The following INO80 variants were observed in gnomAD, a reference collection of about 807,000 sequenced individuals.
INO80 encodes chromatin-remodeling ATPase INO80.
A neutral mutation model predicts 203.4 loss-of-function variants in INO80; 20 were observed. That is an observed-to-expected ratio of 0.10 (90% confidence interval 0.07 to 0.14). The LOEUF (loss-of-function observed/expected upper bound fraction) is 0.14, where lower values mean the gene tolerates loss of function less well. Ranked by LOEUF, INO80 falls within the 10% of genes least tolerant of loss-of-function variation. The pLI is 1.00. For synonymous variants in INO80, 726 were observed against 685.2 expected (o/e 1.06, Z -0.93); for missense variants, 1,419 against 1,914.4 (o/e 0.74, Z 4.83).
At chr15:41,077,162 C>G (rs1257392997) in intron 9 of INO80, among the ~76,000 whole-genome samples, 1 of 151,690 alleles carries the variant, frequency 6.6e-6, no homozygotes, top group Non-Finnish European at 1.5e-5. Context: ...CCACCTCGGC[C>G]TCCCAAAGTG....
chr15:41,115,549 T>C (rs1177499234), intron 1 of INO80, among the ~76,000 whole-genome samples: 2 of 152,270 alleles, frequency 1.3e-5, no homozygotes, highest in Middle Eastern at 3.4e-3. Flanking sequence ...TCTCATTTGT[T>C]TAAAATGACA....
chr15:41,111,794 ACT>A (rs2045962572), intron 1 of INO80, among the ~76,000 whole-genome samples: 1 of 151,258 alleles, frequency 6.6e-6, no homozygotes, highest in Admixed American at 6.6e-5. Flanking sequence ...CAAGAGCAAA[ACT>A]CTGTCTCAAG....
chr15:40,980,883 G>C (rs1055907140), intron 35 of INO80, among the ~76,000 whole-genome samples: 2 of 152,280 alleles, frequency 1.3e-5, no homozygotes, highest in East Asian at 1.9e-4. Context: ...AGTCGGGCCA[G>C]AGGGTACAAG....
intron 1 of INO80, among the ~76,000 whole-genome samples, chr15:41,112,786 C>CAAAA (rs893121991): frequency 4.7e-4 from 9 of 19,192 alleles, no homozygotes; most frequent in Admixed American, 7.0e-4. Context: ...GACTCCATCT[C>CAAAA]AAAAAAAAAA....
rs1177622879 is a variant in INO80, at chr15:41,055,206, A to G, written c.2188+41T>C. On this transcript the variant is annotated intron_variant, in intron 18 of 35. Transcript: ENST00000648947. ...AATATGCAATTACGTGGTTGCCTACACTGATAGGTAGATAGAAAGCCAGCT... is the reference window on the plus strand; with the variant it reads ...AATATGCAATTACGTGGTTGCCTACGCTGATAGGTAGATAGAAAGCCAGCT... 5 of 1,110,852 alleles carry G rather than the reference A, an allele frequency of 4.5e-6. No individual in the cohort carries two copies. In the South Asian group the frequency reaches 7.3e-5, roughly 16 times the overall value. The allele number at this position is 1,110,852 out of a possible 1,614,324, so 68.8% of individuals were successfully genotyped here.
chr15:41,025,086 G>T (rs577879070), intron 25 of INO80, among the ~76,000 whole-genome samples: 21 of 152,334 alleles, frequency 1.4e-4, no homozygotes, highest in African/African-American at 4.6e-4. Flanking sequence ...GGCCAAGTGG[G>T]AAAGGAGCAC....
intron 24 of INO80, among the ~76,000 whole-genome samples, chr15:41,034,283 T>TG (rs2044536183): frequency 6.6e-6 from 1 of 152,086 alleles, no homozygotes; most frequent in Non-Finnish European, 1.5e-5. Flanking sequence ...ATTATGGGGT[T>TG]GGGGGAGGTA....
chr15:41,004,141 C>A (rs557865356), intron 28 of INO80, among the ~76,000 whole-genome samples: 5 of 152,108 alleles, frequency 3.3e-5, no homozygotes, highest in African/African-American at 1.2e-4. Flanking sequence ...TGGTAGCTTC[C>A]GCTAGGTGAG....
chr15:41,116,268 G>T lies in INO80; in HGVS notation c.-339C>A. Reference sequence around the variant, plus strand: ...ACACGGGGAGCCATGGCGGGGGGGAGGAGAGGCGCCATAGCCAGGCCAGAA... The same window carrying T: ...ACACGGGGAGCCATGGCGGGGGGGATGAGAGGCGCCATAGCCAGGCCAGAA... On this transcript the variant is annotated 5_prime_UTR_variant, in exon 1 of 36. Transcript: ENST00000648947. The T allele has an allele frequency of 2.5e-6, 1 of 399,750 alleles. No homozygotes were observed. Among genetic ancestry groups the T allele is most frequent in the Non-Finnish European group, 4.4e-6 (1 of 227,222 alleles). 24.8% of individuals were successfully genotyped at this position (399,750 alleles called of 1,614,324 possible). A position where few individuals can be genotyped will look rare whatever the true frequency, so the allele number is the denominator to read the frequency against.
intron 25 of INO80, among the ~76,000 whole-genome samples, chr15:41,025,380 C>T (rs1008819134): frequency 1.3e-5 from 2 of 152,132 alleles, no homozygotes; most frequent in African/African-American, 4.8e-5. Context: ...CAAATAAATA[C>T]AATTACAGGC....
intron 24 of INO80, among the ~76,000 whole-genome samples, chr15:41,041,431 C>CTTTTTTTTT (rs201157790): frequency 1.4e-5 from 2 of 141,626 alleles, no homozygotes; most frequent in Admixed American, 7.1e-5. Context: ...GCTTCTAGTT[C>CTTTTTTTTT]TTTTTTTTTT....
At chr15:41,093,020 G>C (rs1298411332) in intron 4 of INO80, among the ~76,000 whole-genome samples, 1 of 152,100 alleles carries the variant, frequency 6.6e-6, no homozygotes, top group Admixed American at 6.6e-5. Context: ...AGGAAACAGA[G>C]CAAGAGCCTG....
At chr15:40,994,445 C>T (rs2043853707) in intron 29 of INO80, among the ~76,000 whole-genome samples, 1 of 152,096 alleles carries the variant, frequency 6.6e-6, no homozygotes. Context: ...CGCACTGCAA[C>T]CTCTGCCTCC....
In INO80 at chr15:41,020,031, C is replaced by T. The variant is rs183329573; in HGVS notation, c.3274+869G>A. 4.5e-3 allele frequency among the ~76,000 whole-genome samples: 679 copies of T among 152,220 alleles called. 6 individuals are homozygous for T. The highest frequency in any genetic ancestry group is 0.015 in the African/African-American group (632 of 41,524). Reference sequence around the variant, plus strand: ...GGTCAGGAGATCGAGACCATCCTGGCTAACATAGTGAAACCCCATGTCTAC... The same window carrying T: ...GGTCAGGAGATCGAGACCATCCTGGTTAACATAGTGAAACCCCATGTCTAC... On this transcript the variant is annotated intron_variant, in intron 26 of 35. Coordinates refer to ENST00000648947, the MANE Select transcript of INO80 (RefSeq NM_017553.3).
rs549127633 is a variant in INO80, at chr15:40,984,220, C to T, written c.4054G>A (p.Ala1352Thr). The change falls in exon 33 of 36, where the codon GCC becomes ACC. Residue 1352 changes from alanine (A) to threonine (T), a missense_variant. Transcript: ENST00000648947. The stretch of plus-strand genomic sequence containing the variant: ...ACCTCACTGAAAGGGCTTGGCATGG[C>T]TGAGTCCACGCTAATGAAGGAGTCA... Reference protein sequence around the residue: ...GDDSFISVDSAMPSPFSEISI... With the variant: ...GDDSFISVDSTMPSPFSEISI... 1.2e-6 allele frequency: 2 copies of T among 1,613,636 alleles called. No individual in the cohort carries two copies. The highest frequency in any genetic ancestry group is 2.7e-5 in the African/African-American group (2 of 75,030).
intron 32 of INO80, among the ~76,000 whole-genome samples, chr15:40,984,826 T>C (rs16971262): frequency 0.015 from 2,300 of 152,316 alleles, 57 homozygotes; most frequent in African/African-American, 0.052. Flanking sequence ...GCTTTCAATA[T>C]ATTTTCTACA....
In INO80 at chr15:41,095,821, G is replaced by A. The variant is rs1482190478; in HGVS notation, c.251C>T (p.Thr84Ile). 1.9e-6 allele frequency: 3 copies of A among 1,614,158 alleles called. No homozygotes were observed. The African/African-American group carries it at 4.0e-5, about 22-fold the overall frequency. ...EEPPNSLLGE[T>I]SGAGSSGMLN... ...CATTCCAGAACTGCCTGCTCCAGAA[G>A]TTTCACCAAGCAATGAATTTGGAGG... is the stretch of plus-strand genomic sequence containing the variant. Residue 84 changes from threonine (T) to isoleucine (I), a missense_variant, in exon 3 of 36, where the codon ACT becomes ATT. Physicochemically the swap from Thr to Ile is moderately conservative, Grantham distance 89. This residue lies in a region of INO80 where 323 missense variants were observed against 325.4 expected (regional missense o/e 0.99). Coordinates refer to ENST00000648947, the MANE Select transcript of INO80 (RefSeq NM_017553.3).
At chr15:41,026,284 G>A (rs1402752169) in intron 25 of INO80, among the ~76,000 whole-genome samples, 3 of 152,116 alleles carry the variant, frequency 2.0e-5, no homozygotes, top group Non-Finnish European at 4.4e-5. Flanking sequence ...TGGGCACGGT[G>A]GCTCACATCT....
At chr15:41,038,930 GA>G (rs1484563384) in intron 24 of INO80, among the ~76,000 whole-genome samples, 1 of 152,136 alleles carries the variant, frequency 6.6e-6, no homozygotes, top group Non-Finnish European at 1.5e-5. Context: ...ACCAACACTT[GA>G]CCCCGAGGAA....
Sources: gnomAD v4.1 joint callset for allele counts (sites outside exome capture counted in the v4.1 genomes callset) on GRCh38, gnomAD v4.1.1 for gene constraint, gnomAD v4.1.1 regional missense constraint, MANE v1.5 for transcripts, NCBI Gene and HGNC (gene_info 2026-07-23, HGNC 2026-07-21) for gene names.